MYO1B: variants seen among roughly 807,000 people sequenced by gnomAD.
The protein encoded by MYO1B is myosin IB.
A neutral mutation model predicts 159.7 loss-of-function variants in MYO1B; 72 were observed. That is an observed-to-expected ratio of 0.45 (90% CI 0.37 to 0.55). The LOEUF is 0.55. Among genes scored for constraint, MYO1B ranks in the 20% least tolerant of loss-of-function variants. The probability of loss-of-function intolerance (pLI) is 0.00; values close to 1 mark genes in which losing one functional copy is unlikely to be tolerated. For missense variants in MYO1B, 1,062 were observed against 1,364.8 expected, an observed-to-expected ratio of 0.78 and a Z score of 3.50; for synonymous variants, 468 against 473.8, an observed-to-expected ratio of 0.99 and a Z score of 0.16.
chr2:191,410,551 A>C (rs569751215), intron 26 of MYO1B, among the ~76,000 whole-genome samples: 4 of 152,370 alleles, frequency 2.6e-5, no homozygotes, highest in African/African-American at 9.6e-5. Context: ...ATTTGTGGTC[A>C]TGAAATCAAT....
intron 2 of MYO1B, among the ~76,000 whole-genome samples, chr2:191,284,482 G>A (rs938239622): frequency 3.3e-5 from 5 of 152,128 alleles, no homozygotes; most frequent in African/African-American, 7.2e-5. Context: ...AATGGTCATC[G>A]TGGTACTTAT....
In MYO1B at chr2:191,248,092, T is replaced by A. The variant is rs909915940; in HGVS notation, c.-10+2466T>A. The A allele has an allele frequency of 5.6e-6, 5 of 888,874 alleles. No individual in the cohort carries two copies. In the African/African-American group the frequency reaches 9.0e-5, roughly 16 times the overall value. 55.1% of individuals were successfully genotyped at this position (888,874 alleles called of 1,614,324 possible). On this transcript the variant is annotated intron_variant, in intron 1 of 30. Transcript: ENST00000392318. ...GCATTTGTCCTCCTTTGGGTAAGAT[T>A]GTCTTCTACCTCCCTTCTACTGTTT...
rs753243466 is a variant in MYO1B, at chr2:191,330,047, C to T, written c.346+18C>T. On this transcript the variant is annotated intron_variant, in intron 4 of 30. Coordinates refer to ENST00000392318, the MANE Select transcript of MYO1B (RefSeq NM_001130158.3). ...AAAAACAGGTAAGGCTCCTACCAAG[C>T]AACTCTGCAGAAGGTAAATGCTGCA... The T allele has an allele frequency of 1.8e-5, 29 of 1,601,788 alleles. No individual in the cohort carries two copies. In the Admixed American group the frequency reaches 4.9e-4, roughly 27 times the overall value.
intron 1 of MYO1B, among the ~76,000 whole-genome samples, chr2:191,261,524 A>T (rs1008326701): frequency 6.6e-6 from 1 of 152,084 alleles, no homozygotes; most frequent in Non-Finnish European, 1.5e-5. Context: ...TCAGATGGGG[A>T]CTCTGCTCCA....
chr2:191,356,472 C>T (rs1049890048), intron 7 of MYO1B, among the ~76,000 whole-genome samples: 3 of 150,900 alleles, frequency 2.0e-5, no homozygotes, highest in African/African-American at 4.9e-5. Flanking sequence ...GCTGTGACTT[C>T]GTAATGGGTG....
intron 14 of MYO1B, among the ~76,000 whole-genome samples, chr2:191,382,471 A>G (rs1438367322): frequency 2.6e-5 from 4 of 152,226 alleles, no homozygotes; most frequent in African/African-American, 9.6e-5. Context: ...ACCTTTTAGT[A>G]ACATAAATAT....
chr2:191,414,047 G>T lies in MYO1B; in HGVS notation c.2874-1G>T, dbSNP rs1183113045. On this transcript the variant is annotated splice_acceptor_variant, in intron 27 of 30. Coordinates refer to ENST00000392318, the MANE Select transcript of MYO1B (RefSeq NM_001130158.3). LOFTEE classifies it high-confidence loss of function. ...AATGTGCAGGAATTTTTTTCCTTTAGTGTTGGGCAACCATTCCAAGGGGCT... is the reference window on the plus strand; with the variant it reads ...AATGTGCAGGAATTTTTTTCCTTTATTGTTGGGCAACCATTCCAAGGGGCT... 6.3e-7 allele frequency: 1 copy of T among 1,591,046 alleles called. No individual in the cohort carries two copies. Among genetic ancestry groups the T allele is most frequent in the Admixed American group, 1.8e-5 (1 of 55,846 alleles).
chr2:191,302,075 G>A (rs1689370082), intron 3 of MYO1B, among the ~76,000 whole-genome samples: 1 of 152,022 alleles, frequency 6.6e-6, no homozygotes, highest in Admixed American at 6.6e-5. Context: ...TCCTTTCTAC[G>A]TCTCATACCC....
In MYO1B at chr2:191,363,813, T is replaced by C. The variant is rs755655160; in HGVS notation, c.851T>C (p.Ile284Thr). The C allele has an allele frequency of 3.7e-6, 6 of 1,613,878 alleles. No individual in the cohort carries two copies. Among genetic ancestry groups the C allele is most frequent in the Non-Finnish European group, 5.1e-6 (6 of 1,179,942 alleles). The stretch of plus-strand genomic sequence containing the variant: ...GCAGCAGTGTTGAAACTGGGGAACA[T>C]TGAGTTCAAGCCCGAATCTCGAGTG... ...VVAAVLKLGNIEFKPESRVNG... is the reference protein window; with the variant it reads ...VVAAVLKLGNTEFKPESRVNG... The change falls in exon 10 of 31, where the codon ATT becomes ACT. Residue 284 changes from isoleucine to threonine, a missense_variant. Around this residue, in one of 5 missense-constraint regions of MYO1B, gnomAD observed 415 missense variants for 544.0 expected, o/e 0.76. Transcript: ENST00000392318.
In MYO1B at chr2:191,365,588, G is replaced by A. The variant is rs186358821; in HGVS notation, c.1032+1312G>A. Among the ~76,000 whole-genome samples, 420 of 152,244 alleles carry A rather than the reference G, an allele frequency of 2.8e-3. 9 individuals are homozygous for A. Among genetic ancestry groups the A allele is most frequent in the Admixed American group, 0.024 (367 of 15,284 alleles). The stretch of plus-strand genomic sequence containing the variant: ...TCCTCACTAATTCACAGTCAGATAC[G>A]AAGTAACTTACTTAATCAAGGAAAT... On this transcript the variant is annotated intron_variant, in intron 11 of 30. Transcript: ENST00000392318.
rs1261499391 is a variant in MYO1B at position 191,400,794 on chromosome 2, C to T, written c.2428C>T (p.His810Tyr). 5.6e-6 allele frequency: 9 copies of T among 1,613,980 alleles called. No individual in the cohort carries two copies. The highest frequency in any genetic ancestry group is 1.3e-5 in the African/African-American group (1 of 75,042). ...RRLKEEARNK[H>Y]AIAVIWAYWL... ...GCTGAAGGAGGAGGCTAGGAATAAACATGCTATTGCAGTTATTTGGGCTTA... is the reference window on the plus strand; with the variant it reads ...GCTGAAGGAGGAGGCTAGGAATAAATATGCTATTGCAGTTATTTGGGCTTA... Residue 810 changes from histidine (H) to tyrosine (Y), a missense_variant, in exon 23 of 31, where the codon CAT becomes TAT. Coordinates refer to ENST00000392318, the MANE Select transcript of MYO1B (RefSeq NM_001130158.3).
At chr2:191,312,116 CA>C (rs1314686682) in intron 3 of MYO1B, among the ~76,000 whole-genome samples, 1 of 152,102 alleles carries the variant, frequency 6.6e-6, no homozygotes, top group Non-Finnish European at 1.5e-5. Context: ...TTGATGTTTA[CA>C]AATATATTGC....
intron 15 of MYO1B, among the ~76,000 whole-genome samples, chr2:191,384,912 G>A (rs891902312): frequency 6.6e-5 from 10 of 152,138 alleles, no homozygotes; most frequent in African/African-American, 2.4e-4. Flanking sequence ...TTTGTTCTGG[G>A]GATGTTATGA....
At chr2:191,277,125 C>G (rs1487476791) in intron 2 of MYO1B, 95 bp downstream of exon 2, 6 of 1,460,606 alleles carry the variant, frequency 4.1e-6, no homozygotes, top group Non-Finnish European at 5.6e-6. Flanking sequence ...TCTTTTTTCT[C>G]TCTGTTTGAG....
intron 2 of MYO1B, among the ~76,000 whole-genome samples, chr2:191,283,606 A>G (rs998236989): frequency 2.6e-5 from 4 of 152,232 alleles, no homozygotes; most frequent in Non-Finnish European, 5.9e-5. Context: ...TTTTTAAATT[A>G]TCTTCATTTT....
intron 19 of MYO1B, among the ~76,000 whole-genome samples, chr2:191,392,849 TTCTGAATC>T (rs1359511509): frequency 6.6e-6 from 1 of 152,228 alleles, no homozygotes; most frequent in Non-Finnish European, 1.5e-5. Flanking sequence ...TTGTCATAAA[TTCTGAATC>T]ACTGGAATAA....
Position 191,364,979 on chromosome 2 carries a change from C to T in MYO1B, c.1032+703C>T, listed in dbSNP as rs1221423273. On this transcript the variant is annotated intron_variant, in intron 11 of 30. Coordinates refer to ENST00000392318, the MANE Select transcript of MYO1B (RefSeq NM_001130158.3). ...GGAGAAGCCAAATTGGCCTCCCTGC[C>T]TTACTTCTTGAACCCCCTCTACCCT... Among the ~76,000 whole-genome samples the T allele has an allele frequency of 1.3e-5, 2 of 150,802 alleles. 1 individual carries two copies. The highest frequency in any genetic ancestry group is 2.9e-5 in the Non-Finnish European group (2 of 68,022).
At chr2:191,384,529 G>A (rs184856150) in intron 15 of MYO1B, among the ~76,000 whole-genome samples, 1 of 152,188 alleles carries the variant, frequency 6.6e-6, no homozygotes, top group East Asian at 1.9e-4. Context: ...GAAATAAACT[G>A]TGTTTCAAAA....
At chr2:191,257,609 A>C (rs1686534524) in intron 1 of MYO1B, among the ~76,000 whole-genome samples, 1 of 152,172 alleles carries the variant, frequency 6.6e-6, no homozygotes, top group Non-Finnish European at 1.5e-5. Context: ...GGAGAAATGG[A>C]CTTTCCTGCA....
Sources: gnomAD v4.1 joint callset for allele counts (sites outside exome capture counted in the v4.1 genomes callset) on GRCh38, gnomAD v4.1.1 for gene constraint, gnomAD v4.1.1 regional missense constraint, MANE v1.5 for transcripts, NCBI Gene and HGNC (gene_info 2026-07-23, HGNC 2026-07-21) for gene names.